Variants in SLC38A7 observed in about 807,000 individuals in gnomAD.
SLC38A7 encodes the protein sodium-coupled neutral amino acid transporter 7.
A neutral mutation model predicts 50.1 loss-of-function variants in SLC38A7; 29 were observed. That is an observed-to-expected ratio of 0.58 (90% CI 0.43 to 0.79). The LOEUF is 0.79. Among genes scored for constraint, SLC38A7 ranks in the 30% least tolerant of loss-of-function variants. SLC38A7 has a pLI of 0.00. For missense variants in SLC38A7, 483 were observed against 610.6 expected (o/e 0.79, Z 2.20); for synonymous variants, 244 against 245.9 (o/e 0.99, Z 0.07).
intron 2 of SLC38A7, among the ~76,000 whole-genome samples, chr16:58,681,135 T>C (rs1355570887): frequency 6.6e-6 from 1 of 152,210 alleles, no homozygotes; most frequent in Non-Finnish European, 1.5e-5. Flanking sequence ...GCTGCAGCTA[T>C]GGAATGCTTT....
rs566409558 is a variant in SLC38A7, at chr16:58,678,758, G to A, written c.407C>T (p.Ala136Val). 1.9e-6 allele frequency: 3 copies of A among 1,614,126 alleles called. No individual in the cohort carries two copies. Among genetic ancestry groups the A allele is most frequent in the Middle Eastern group, 1.6e-4 (1 of 6,062 alleles). The change falls in exon 4 of 12, where the codon GCT becomes GTT. Residue 136 changes from alanine to valine, a missense_variant. Ala to Val is a moderately conservative substitution (Grantham distance 64, BLOSUM62 0). Coordinates refer to ENST00000219320, the MANE Select transcript of SLC38A7 (RefSeq NM_018231.3). The surrounding 1 kb of genome is among the most constrained non-coding windows in gnomAD (Gnocchi z 4.0). ...AATGCAGGTGCCAAAGGTGTAGACA[G>A]CGATGGCCACCTCACATAGCACACC... ...LTGVLCEVAI[A>V]VYTFGTCIAF...
At chr16:58,682,657 A>C (rs1359595066) in intron 2 of SLC38A7, among the ~76,000 whole-genome samples, 1 of 147,690 alleles carries the variant, frequency 6.8e-6, no homozygotes, top group Admixed American at 6.8e-5. Context: ...TTTGAGACGG[A>C]GTCTTGCTTT....
rs2044265085 is a variant in SLC38A7 at position 58,676,315 on chromosome 16, T to C, written c.742A>G (p.Met248Val). The change falls in exon 7 of 12, where the codon ATG becomes GTG. Residue 248 changes from methionine to valine, a missense_variant. By Grantham distance (21) the Met-to-Val change is conservative. Coordinates refer to ENST00000219320, the MANE Select transcript of SLC38A7 (RefSeq NM_018231.3). ...PASWMAVFNA[M>V]PTICFGFQCH... ...TGAAATCCGAAGCAGATGGTGGGCATGGCATTGAACACAGCCATCCAGGAA... is the reference window on the plus strand; with the variant it reads ...TGAAATCCGAAGCAGATGGTGGGCACGGCATTGAACACAGCCATCCAGGAA... The C allele has an allele frequency of 2.5e-6, 4 of 1,614,064 alleles. No homozygotes were observed. The highest frequency in any genetic ancestry group is 1.1e-5 in the South Asian group (1 of 91,094).
intron 8 of SLC38A7, chr16:58,675,346 GAAAAA>G: frequency 1.5e-4 from 50 of 327,360 alleles, no homozygotes; most frequent in Admixed American, 3.1e-4. Flanking sequence ...GTCTCTGCTA[GAAAAA>G]AAAAAAAAAA....
intron 11 of SLC38A7, among the ~76,000 whole-genome samples, chr16:58,668,761 AT>A (rs1348076580): frequency 7.1e-6 from 1 of 140,472 alleles, no homozygotes; most frequent in African/African-American, 2.6e-5. Context: ...ATAAAGGGTG[AT>A]TTTTTTTCTT....
intron 8 of SLC38A7, 41 bp downstream of exon 8, chr16:58,675,899 G>A (rs1359120415): frequency 2.0e-6 from 3 of 1,508,674 alleles, no homozygotes; most frequent in Admixed American, 1.8e-5. Context: ...GTGGAAGTGA[G>A]AGCACTCTAG....
intron 6 of SLC38A7, 103 bp from the exon 7 acceptor site, chr16:58,676,449 T>G: frequency 8.3e-7 from 1 of 1,203,310 alleles, no homozygotes; most frequent in East Asian, 2.4e-5. Context: ...CTCCAGCAAC[T>G]GGGATTCCAT....
At chr16:58,679,099 T>C (rs1423636359) in intron 3 of SLC38A7, among the ~76,000 whole-genome samples, 5 of 152,120 alleles carry the variant, frequency 3.3e-5, no homozygotes, top group Non-Finnish European at 1.5e-5. Context: ...CATACAAAAG[T>C]AAAGAGAATA....
Position 58,667,259 on chromosome 16 carries a change from G to T in SLC38A7, c.*126C>A. On this transcript the variant is annotated 3_prime_UTR_variant, in exon 12 of 12. Coordinates refer to ENST00000219320, the MANE Select transcript of SLC38A7 (RefSeq NM_018231.3). ...GGGGCCTGAGTTTGCCCCAGTCCCT[G>T]GAAGAGGATGTCCGGATGTCATCCC... 2.0e-6 allele frequency: 2 copies of T among 1,002,822 alleles called. No individual in the cohort carries two copies. Among genetic ancestry groups the T allele is most frequent in the African/African-American group, 1.6e-5 (1 of 63,244 alleles). 62.1% of individuals were successfully genotyped at this position (1,002,822 alleles called of 1,614,324 possible).
intron 2 of SLC38A7, among the ~76,000 whole-genome samples, chr16:58,682,180 C>G (rs549264235): frequency 6.6e-6 from 1 of 152,132 alleles, no homozygotes; most frequent in African/African-American, 2.4e-5. Flanking sequence ...AAACAAAACT[C>G]AAACCACAGC....
Position 58,678,599 on chromosome 16 carries a change from G to GT in SLC38A7, c.469+96dup. 1.3e-6 allele frequency: 2 copies of GT among 1,566,158 alleles called. No individual in the cohort carries two copies. The highest frequency in any genetic ancestry group is 1.1e-5 in the South Asian group (1 of 87,772). ...ATTCCCAGATGAATGCTGGGCCCAG[G>GT]TAAGTCCTGGAGAGGTGTTCAGTGC... On this transcript the variant is annotated intron_variant, in intron 4 of 11. Transcript: ENST00000219320. The surrounding 1 kb of genome is among the most constrained non-coding windows in gnomAD (Gnocchi z 4.0).
At chr16:58,679,531 TATCATATC>T in intron 3 of SLC38A7, 1 of 524,736 alleles carries the variant, frequency 1.9e-6, no homozygotes, top group Non-Finnish European at 3.3e-6. Flanking sequence ...CAATATAAGC[TATCATATC>T]ATTTCATCAA....
At chr16:58,668,295 C>A (rs2044083052) in intron 11 of SLC38A7, among the ~76,000 whole-genome samples, 1 of 151,902 alleles carries the variant, frequency 6.6e-6, no homozygotes, top group Non-Finnish European at 1.5e-5. Context: ...CAAAAAATGG[C>A]TGGGTATGGT....
In SLC38A7 at chr16:58,676,313, C is replaced by T. The variant is rs960126809; in HGVS notation, c.744G>A (p.Met248Ile). ...CCTGAAATCCGAAGCAGATGGTGGG[C>T]ATGGCATTGAACACAGCCATCCAGG... The part of the protein sequence containing the change: ...PASWMAVFNA[M>I]PTICFGFQCH... Residue 248 changes from methionine to isoleucine, a missense_variant, in exon 7 of 12, where the codon ATG becomes ATA. Coordinates refer to ENST00000219320, the MANE Select transcript of SLC38A7 (RefSeq NM_018231.3). The T allele has an allele frequency of 6.2e-7, 1 of 1,614,176 alleles. No homozygotes were observed.
Position 58,666,365 on chromosome 16 carries a change from C to G in SLC38A7, c.*1020G>C, listed in dbSNP as rs1295682956. On this transcript the variant is annotated 3_prime_UTR_variant, in exon 12 of 12. Transcript: ENST00000219320. ...TACAGGCGTGAGCCACTGCGCCCAG[C>G]CCTGCCTTTTTTTTTTTTTTTTTTT... The G allele has an allele frequency of 6.8e-6, 1 of 146,986 alleles. No homozygotes were observed. Among genetic ancestry groups the G allele is most frequent in the African/African-American group, 2.5e-5 (1 of 39,348 alleles). 9.1% of individuals were successfully genotyped at this position (146,986 alleles called of 1,614,324 possible). A position where few individuals can be genotyped will look rare whatever the true frequency, so the allele number is the denominator to read the frequency against.
Position 58,678,642 on chromosome 16 carries a change from G to A in SLC38A7, c.469+54C>T. 6.3e-7 allele frequency: 1 copy of A among 1,598,716 alleles called. No homozygotes were observed. The highest frequency in any genetic ancestry group is 8.5e-7 in the Non-Finnish European group (1 of 1,170,250). On this transcript the variant is annotated intron_variant, in intron 4 of 11. Transcript: ENST00000219320. This position sits in a 1 kb window ranked among gnomAD's most constrained non-coding sequence, Gnocchi z 4.0. ...TTCAGTGCCTTTTCCCTCCACCCCA[G>A]GATCCCTGGGGCTGATAAGAAGAGA...
intron 11 of SLC38A7, among the ~76,000 whole-genome samples, chr16:58,669,131 T>G (rs1266205353): frequency 1.5e-5 from 1 of 66,678 alleles, no homozygotes; most frequent in African/African-American, 9.3e-5. Flanking sequence ...TTTTTTTTTT[T>G]TGAGACAGAG....
chr16:58,677,415 G>A lies in SLC38A7; in HGVS notation c.621C>T (p.Ser207=), dbSNP rs1451717749. The change falls in exon 6 of 12, where the codon AGC becomes AGT. Residue 207 remains serine (S), a synonymous_variant. Transcript: ENST00000219320. ...IGFQKYASFL[S]VVGTWYVTAI... ...CTGTGACGTACCAGGTACCCACGACGCTCAGGAAGCTGCCGGGAAGGAGAG... is the reference window on the plus strand; with the variant it reads ...CTGTGACGTACCAGGTACCCACGACACTCAGGAAGCTGCCGGGAAGGAGAG... 11 of 1,613,852 alleles carry A rather than the reference G, an allele frequency of 6.8e-6. No homozygotes were observed. In the Admixed American group the frequency reaches 8.3e-5, roughly 12 times the overall value.
Position 58,672,211 on chromosome 16 carries a change from C to T in SLC38A7, c.916G>A (p.Val306Met). The change falls in exon 9 of 12, where the codon GTG becomes ATG. Residue 306 changes from valine (V) to methionine (M), a missense_variant. Physicochemically the swap from Val to Met is conservative, Grantham distance 21. Transcript: ENST00000219320. ...ICGFLTFGAAVDPDVLLSYPS... is the reference protein window; with the variant it reads ...ICGFLTFGAAMDPDVLLSYPS... ...TAGGACAGGAGCACGTCAGGATCCA[C>T]AGCAGCTCCAAAGGTCAGGAAGCCA... 1 of 1,582,202 alleles carries T rather than the reference C, an allele frequency of 6.3e-7. No individual in the cohort carries two copies.
Sources: allele counts gnomAD v4.1 joint callset (sites outside exome capture counted in the v4.1 genomes callset), GRCh38; gene constraint gnomAD v4.1.1; non-coding constraint Gnocchi (gnomAD v3.1); transcripts MANE v1.5; gene names NCBI Gene and HGNC (gene_info 2026-07-23, HGNC 2026-07-21).